The following POLQ variants were observed in gnomAD, a reference collection of about 807,000 sequenced individuals.
POLQ encodes DNA polymerase theta.
A neutral mutation model predicts 259.2 loss-of-function variants in POLQ; 233 were observed. That is an observed-to-expected ratio of 0.90 (90% CI 0.81 to 1.00). POLQ has a LOEUF of 1.00. Among genes scored for constraint, POLQ ranks in the 50% least tolerant of loss-of-function variants. The pLI, the probability that POLQ is intolerant of heterozygous loss-of-function variation, is 0.00. For missense variants in POLQ, 2,871 were observed against 3,051.6 expected, an observed-to-expected ratio of 0.94 and a Z score of 1.39; for synonymous variants, 1,025 against 1,048.8, an observed-to-expected ratio of 0.98 and a Z score of 0.44.
At chr3:121,458,209 G>C (rs1371008417) in intron 25 of POLQ, among the ~76,000 whole-genome samples, 3 of 151,982 alleles carry the variant, frequency 2.0e-5, no homozygotes, top group Non-Finnish European at 2.9e-5. Context: ...CACAGGAAGG[G>C]GAACATCACA....
At chr3:121,466,583 G>A (rs891437118) in intron 24 of POLQ, among the ~76,000 whole-genome samples, 23 of 151,588 alleles carry the variant, frequency 1.5e-4, no homozygotes, top group African/African-American at 2.9e-4. Context: ...CCAGCTACTC[G>A]GGAAGCTGAG....
rs751386063 is a variant in POLQ at position 121,541,428 on chromosome 3, C to G, written c.395G>C (p.Arg132Pro). 6 of 1,611,596 alleles carry G rather than the reference C, an allele frequency of 3.7e-6. No individual in the cohort carries two copies. The highest frequency in any genetic ancestry group is 5.1e-6 in the Non-Finnish European group (6 of 1,178,462). ...TLVAELLILK[R>P]VLEMRKKALF... is the part of the protein sequence containing the mutation. ...AGCTTTCTTCCGCATTTCCAAAACC[C>G]GCTTCAAAATAAGTAATTCTGCCAC... The change falls in exon 3 of 30, where the codon CGG becomes CCG. Residue 132 changes from arginine (R) to proline (P), a missense_variant. Transcript: ENST00000264233.
chr3:121,479,240 A>G (rs904847523), intron 19 of POLQ, among the ~76,000 whole-genome samples: 2 of 152,030 alleles, frequency 1.3e-5, no homozygotes, highest in African/African-American at 4.8e-5. Flanking sequence ...GGCCAGGAAT[A>G]GTGGCTCACA....
intron 12 of POLQ, among the ~76,000 whole-genome samples, chr3:121,503,806 T>C (rs2048190302): frequency 6.6e-6 from 1 of 152,230 alleles, no homozygotes. Flanking sequence ...ATAGCTGATA[T>C]ACTGTATTGT....
chr3:121,509,526 A>G, intron 12 of POLQ, 35 bp downstream of exon 12: 2 of 1,562,194 alleles, frequency 1.3e-6, no homozygotes, highest in African/African-American at 2.7e-5. Context: ...TTTTCTCCCT[A>G]TTTTCACAAA....
chr3:121,487,344 T>A lies in POLQ; in HGVS notation c.5587A>T (p.Thr1863Ser). 1 of 1,610,220 alleles carries A rather than the reference T, an allele frequency of 6.2e-7. No individual in the cohort carries two copies. The highest frequency in any genetic ancestry group is 8.5e-7 in the Non-Finnish European group (1 of 1,178,526). ...CCAATAGTAGCAGTTTTAGAAGATG[T>A]CAAACTTCTAATCTTTTCACAAGCC... ...SLACEKIRSL[T>S]SSKTATIGSR... is the part of the protein sequence containing the mutation. Residue 1863 changes from threonine to serine, a missense_variant, in exon 16 of 30, where the codon ACA becomes TCA. Around this residue, in one of 3 missense-constraint regions of POLQ, gnomAD observed 2,080 missense variants for 2,126.0 expected, o/e 0.98. Transcript: ENST00000264233.
chr3:121,454,670 C>T (rs1206405732), intron 25 of POLQ, among the ~76,000 whole-genome samples: 1 of 152,308 alleles, frequency 6.6e-6, no homozygotes, highest in South Asian at 2.1e-4. Context: ...ATCAATTCAA[C>T]AAGAAGAGCT....
chr3:121,544,458 T>C (rs1337845543), intron 2 of POLQ, among the ~76,000 whole-genome samples: 2 of 152,200 alleles, frequency 1.3e-5, no homozygotes, highest in South Asian at 2.1e-4. Context: ...GCACACTCAC[T>C]GGGATATATG....
At chr3:121,542,956 C>T (rs1328970782) in intron 2 of POLQ, among the ~76,000 whole-genome samples, 1 of 151,928 alleles carries the variant, frequency 6.6e-6, no homozygotes, top group Non-Finnish European at 1.5e-5. Flanking sequence ...CATTGTACTC[C>T]AGCCTGGGCA....
intron 4 of POLQ, among the ~76,000 whole-genome samples, chr3:121,538,502 A>G (rs1352239516): frequency 6.6e-6 from 1 of 151,706 alleles, no homozygotes; most frequent in Non-Finnish European, 1.5e-5. Context: ...CTAATGACAC[A>G]TGATGTTCTT....
At position 121,476,687 on chromosome 3, in the gene POLQ, C is replaced by T. The variant is rs1163774487; in HGVS notation, c.6258G>A (p.Leu2086=). ...VEMPSQYCLA[L]LELNGIGFST... is the part of the protein sequence containing the mutation. ...TAAAGCCAATTCCATTTAGTTCTAG[C>T]AAGGCCAAGCAGTACTGAGAGGGCA... The change falls in exon 20 of 30, where the codon TTG becomes TTA. Residue 2086 remains leucine (L), a synonymous_variant. Transcript: ENST00000264233. 3 of 1,613,596 alleles carry T rather than the reference C, an allele frequency of 1.9e-6. No individual in the cohort carries two copies. Among genetic ancestry groups the T allele is most frequent in the Non-Finnish European group, 2.5e-6 (3 of 1,179,714 alleles).
At chr3:121,456,466 C>T (rs548931496) in intron 25 of POLQ, among the ~76,000 whole-genome samples, 45 of 152,134 alleles carry the variant, frequency 3.0e-4, no homozygotes, top group Non-Finnish European at 4.7e-4. Flanking sequence ...GATGACATGA[C>T]TGTATATCCA....
chr3:121,464,091 G>A (rs1325332627), intron 24 of POLQ, among the ~76,000 whole-genome samples: 1 of 152,060 alleles, frequency 6.6e-6, no homozygotes, highest in Admixed American at 6.6e-5. Flanking sequence ...AGTAATCAAA[G>A]ACAAAAAGAA....
intron 17 of POLQ, among the ~76,000 whole-genome samples, chr3:121,484,137 C>T (rs530758496): frequency 6.6e-6 from 1 of 152,036 alleles, no homozygotes; most frequent in East Asian, 1.9e-4. Flanking sequence ...TCCTGCAAAA[C>T]AACTGAAAAT....
chr3:121,440,261 T>A, intron 26 of POLQ, 145 bp from the exon 27 acceptor site: 1 of 576,952 alleles, frequency 1.7e-6, no homozygotes, highest in Non-Finnish European at 3.0e-6. Flanking sequence ...ATGCGAACTT[T>A]CATTCACTTT....
chr3:121,518,144 G>A (rs2048312404), intron 9 of POLQ, among the ~76,000 whole-genome samples: 1 of 152,150 alleles, frequency 6.6e-6, no homozygotes, highest in Non-Finnish European at 1.5e-5. Context: ...GCATGTTTCT[G>A]TTTAAAGACA....
chr3:121,478,910 G>A (rs2047947997), intron 19 of POLQ, among the ~76,000 whole-genome samples: 2 of 152,082 alleles, frequency 1.3e-5, no homozygotes, highest in Non-Finnish European at 2.9e-5. Flanking sequence ...ATTAGACATA[G>A]AATATTTTAA....
chr3:121,519,921 G>A lies in POLQ; in HGVS notation c.1418C>T (p.Thr473Ile). The A allele has an allele frequency of 6.2e-7, 1 of 1,610,800 alleles. No individual in the cohort carries two copies. ...AGCACGGCCAACCATCTGCTTATAA[G>A]TAAGAATATCTAGAGGTCGACCACC... ...IFGGRPLDILTYKQMVGRAGR... is the reference protein window; with the variant it reads ...IFGGRPLDILIYKQMVGRAGR... Residue 473 changes from threonine to isoleucine, a missense_variant, in exon 9 of 30, where the codon ACT (threonine) becomes ATT (isoleucine). Physicochemically the swap from Thr to Ile is moderately conservative, Grantham distance 89. Coordinates refer to ENST00000264233, the MANE Select transcript of POLQ (RefSeq NM_199420.4).
chr3:121,464,392 C>CAAT (rs893732851), intron 24 of POLQ, among the ~76,000 whole-genome samples: 39 of 151,448 alleles, frequency 2.6e-4, no homozygotes, highest in East Asian at 3.9e-4. Context: ...ACAACAACAA[C>CAAT]AATAATAATA....
Sources: gnomAD v4.1 joint callset for allele counts (sites outside exome capture counted in the v4.1 genomes callset) on GRCh38, gnomAD v4.1.1 for gene constraint, gnomAD v4.1.1 regional missense constraint, MANE v1.5 for transcripts, NCBI Gene and HGNC (gene_info 2026-07-23, HGNC 2026-07-21) for gene names.